Variants in SHROOM2 observed in about 807,000 individuals in gnomAD.
The protein encoded by SHROOM2 is shroom family member 2.
Under a neutral mutation model 75.9 loss-of-function variants are expected in SHROOM2, and 33 were observed. The observed-to-expected ratio is 0.43, with a 90% CI of 0.33 to 0.58. SHROOM2 has a LOEUF of 0.58. Among genes scored for constraint, SHROOM2 ranks in the 20% least tolerant of loss-of-function variants. SHROOM2 has a pLI of 0.04. For synonymous variants in SHROOM2, 655 were observed against 663.6 expected, an observed-to-expected ratio of 0.99 and a Z score of 0.20; for missense variants, 1,434 against 1,461.2, an observed-to-expected ratio of 0.98 and a Z score of 0.30.
chrX:9,944,205 T>G (rs1446329337), intron 8 of SHROOM2, among the ~76,000 whole-genome samples: 5 of 111,987 alleles, frequency 4.5e-5, no homozygotes, highest in African/African-American at 1.6e-4. Flanking sequence ...AATAATTATA[T>G]GTACAGGACA....
intron 1 of SHROOM2, among the ~76,000 whole-genome samples, chrX:9,793,979 A>G (rs1393474808): frequency 2.7e-5 from 3 of 111,737 alleles, no homozygotes; most frequent in African/African-American, 9.8e-5. Flanking sequence ...TCATGGCCTC[A>G]AGTGATCCTC....
chrX:9,941,919 T>C (rs55684615), intron 8 of SHROOM2, among the ~76,000 whole-genome samples: 10,487 of 96,516 alleles, frequency 0.11, 793 homozygotes, highest in African/African-American at 0.27. Context: ...TGCAGTGAGC[T>C]GAGATAGCGC....
chrX:9,934,130 A>G (rs934359221), intron 6 of SHROOM2, among the ~76,000 whole-genome samples: 4 of 111,654 alleles, frequency 3.6e-5, no homozygotes, highest in Non-Finnish European at 7.5e-5. Flanking sequence ...CCGCACGCCC[A>G]GCACAGGACC....
At chrX:9,848,473 C>T (rs1311623418) in intron 1 of SHROOM2, among the ~76,000 whole-genome samples, 1 of 79,060 alleles carries the variant, frequency 1.3e-5, no homozygotes, top group Non-Finnish European at 2.4e-5. Flanking sequence ...CACTGCAGTC[C>T]GCAGTCCGGC....
intron 1 of SHROOM2, among the ~76,000 whole-genome samples, chrX:9,865,996 G>GTGCCTGC (rs1464773617): frequency 1.8e-5 from 2 of 109,878 alleles, no homozygotes; most frequent in African/African-American, 6.6e-5. Context: ...GCGGTGCCTG[G>GTGCCTGC]TGCCTGCTGC....
intron 8 of SHROOM2, among the ~76,000 whole-genome samples, chrX:9,940,468 G>T (rs765806915): frequency 8.0e-5 from 9 of 112,036 alleles, no homozygotes; most frequent in African/African-American, 2.6e-4. Context: ...CTCACCAGAA[G>T]TGTGGCTCCG....
At chrX:9,840,947 T>TTTG (rs1466053313) in intron 1 of SHROOM2, among the ~76,000 whole-genome samples, 1 of 112,135 alleles carries the variant, frequency 8.9e-6, no homozygotes, top group Non-Finnish European at 1.9e-5. Context: ...CTGAAAGATT[T>TTTG]TTGTTGTTGT....
chrX:9,888,590 C>T (rs945153292), intron 2 of SHROOM2, among the ~76,000 whole-genome samples: 3 of 110,937 alleles, frequency 2.7e-5, no homozygotes, highest in Non-Finnish European at 3.8e-5. Context: ...ACCACAGATG[C>T]GCGCCACCAC....
At position 9,873,725 on chromosome X, in the gene SHROOM2, T is replaced by C; in HGVS notation, c.239T>C (p.Ile80Thr). The C allele has an allele frequency of 8.3e-7, 1 of 1,211,445 alleles. No homozygotes were observed. The highest frequency in any genetic ancestry group is 1.1e-6 in the Non-Finnish European group (1 of 895,245). The change falls in exon 2 of 10, where the codon ATT (isoleucine) becomes ACT (threonine). Residue 80 changes from isoleucine to threonine, a missense_variant. This residue lies in a region of SHROOM2 where 1,340 missense variants were observed against 1,338.3 expected (regional missense o/e 1.00). Coordinates refer to ENST00000380913, the MANE Select transcript of SHROOM2 (RefSeq NM_001649.4). ...AGDEIVGIND[I>T]GLSGFRQEAI... Reference sequence around the variant, plus strand: ...GATGAGATCGTCGGCATCAATGACATTGGTCTCTCAGGGTTTAGACAGGAA... The same window carrying C: ...GATGAGATCGTCGGCATCAATGACACTGGTCTCTCAGGGTTTAGACAGGAA...
chrX:9,935,828 C>T (rs1281382010), intron 6 of SHROOM2, among the ~76,000 whole-genome samples: 2 of 111,781 alleles, frequency 1.8e-5, no homozygotes, highest in African/African-American at 6.5e-5. Flanking sequence ...TCATTAGAAA[C>T]ACATCCTAAT....
At chrX:9,913,322 C>G (rs917527201) in intron 5 of SHROOM2, 3 of 112,568 alleles carry the variant, frequency 2.7e-5, no homozygotes, top group Non-Finnish European at 3.8e-5. Context: ...TGCACATAGC[C>G]TGCTGATTGC....
At chrX:9,854,380 C>T (rs987068799) in intron 1 of SHROOM2, among the ~76,000 whole-genome samples, 1 of 111,556 alleles carries the variant, frequency 9.0e-6, no homozygotes, top group Non-Finnish European at 1.9e-5. Context: ...GGTTGGATAG[C>T]GGGAGGAGAC....
At chrX:9,807,550 G>A (rs149947897) in intron 1 of SHROOM2, among the ~76,000 whole-genome samples, 244 of 111,960 alleles carry the variant, frequency 2.2e-3, no homozygotes, top group African/African-American at 7.4e-3. Flanking sequence ...AGCAACAGGC[G>A]TGTCACATAG....
At chrX:9,867,561 A>G (rs151202225) in intron 1 of SHROOM2, among the ~76,000 whole-genome samples, 74 of 111,765 alleles carry the variant, frequency 6.6e-4, no homozygotes, top group African/African-American at 2.4e-3. Flanking sequence ...GACTGTGACA[A>G]AATGAGCATC....
At chrX:9,831,703 A>C (rs2083917271) in intron 1 of SHROOM2, among the ~76,000 whole-genome samples, 1 of 111,825 alleles carries the variant, frequency 8.9e-6, no homozygotes, top group Admixed American at 9.5e-5. Context: ...TGTTGCTCAC[A>C]GTTCTGGGGG....
At chrX:9,794,395 G>C (rs941793058) in intron 1 of SHROOM2, among the ~76,000 whole-genome samples, 3 of 111,211 alleles carry the variant, frequency 2.7e-5, no homozygotes, top group Non-Finnish European at 3.8e-5. Context: ...CTGAGATGTA[G>C]TTTCGCTCTT....
chrX:9,843,144 A>G lies in SHROOM2; in HGVS notation c.166-30508A>G, dbSNP rs753700864. 7.2e-5 allele frequency among the ~76,000 whole-genome samples: 8 copies of G among 110,677 alleles called. No homozygotes were observed. The South Asian group carries it at 3.1e-3, about 42-fold the overall frequency. On this transcript the variant is annotated intron_variant, in intron 1 of 9. Transcript: ENST00000380913. ...GAGTTTTAGCTCTACAGAGAAATGCAGAGATAGTAAGGAGAATTCTCACCT... is the reference window on the plus strand; with the variant it reads ...GAGTTTTAGCTCTACAGAGAAATGCGGAGATAGTAAGGAGAATTCTCACCT...
chrX:9,892,742 C>T (rs1224161769), intron 3 of SHROOM2, among the ~76,000 whole-genome samples: 1 of 112,071 alleles, frequency 8.9e-6, no homozygotes, highest in African/African-American at 3.2e-5. Flanking sequence ...AGTCCTCTCC[C>T]TCCCATAGAT....
At position 9,887,879 on chromosome X, in the gene SHROOM2, C is replaced by T. The variant is rs750826997; in HGVS notation, c.318-3098C>T. On this transcript the variant is annotated intron_variant, in intron 2 of 9. Transcript: ENST00000380913. ...CATCTCTAAGGCAGTGCTCCAGCTGCAGGGCTGCAGATGTTCCATATCTGT... is the reference window on the plus strand; with the variant it reads ...CATCTCTAAGGCAGTGCTCCAGCTGTAGGGCTGCAGATGTTCCATATCTGT... Among the ~76,000 whole-genome samples the T allele has an allele frequency of 4.4e-5, 5 of 113,140 alleles. No homozygotes were observed. The East Asian group carries it at 1.1e-3, about 25-fold the overall frequency.
Sources: gnomAD v4.1 joint callset for allele counts (sites outside exome capture counted in the v4.1 genomes callset) on GRCh38, gnomAD v4.1.1 for gene constraint, gnomAD v4.1.1 regional missense constraint, MANE v1.5 for transcripts, NCBI Gene and HGNC (gene_info 2026-07-23, HGNC 2026-07-21) for gene names.